Variants in FAT3 observed in about 807,000 individuals in gnomAD.
FAT3 encodes the protein FAT atypical cadherin 3, also known as protocadherin Fat 3.
FAT3 carries 95 observed loss-of-function variants against 310.2 expected under a neutral mutation model. The ratio of observed to expected loss-of-function variants is 0.31; its 90% confidence interval spans 0.26 to 0.36. The LOEUF (loss-of-function observed/expected upper bound fraction) is 0.36. Among genes scored for constraint, FAT3 ranks in the 10% least tolerant of loss-of-function variants. The pLI is 1.00. For synonymous variants in FAT3, 2,314 were observed against 2,192.9 expected, an observed-to-expected ratio of 1.06 and a Z score of -1.54; for missense variants, 5,408 against 5,715.6, an observed-to-expected ratio of 0.95 and a Z score of 1.74.
chr11:92,308,444 AGT>A (rs2134447459), intron 1 of FAT3, among the ~76,000 whole-genome samples: 2 of 152,330 alleles, frequency 1.3e-5, no homozygotes, highest in South Asian at 4.1e-4. Flanking sequence ...GAAGAAAACC[AGT>A]TGTTTGATTG....
intron 2 of FAT3, among the ~76,000 whole-genome samples, chr11:92,475,229 C>T (rs1486045704): frequency 6.6e-6 from 1 of 152,124 alleles, no homozygotes; most frequent in Non-Finnish European, 1.5e-5. Flanking sequence ...TTCTGGGATT[C>T]TCTGCATCTT....
chr11:92,885,896 G>A (rs1238916583), intron 24 of FAT3, among the ~76,000 whole-genome samples: 2 of 152,160 alleles, frequency 1.3e-5, no homozygotes, highest in African/African-American at 2.4e-5. Context: ...TACATCGGTC[G>A]TTTAGCCAAC....
Position 92,883,004 on chromosome 11 carries a change from A to G in FAT3, c.12548A>G (p.Asn4183Ser), listed in dbSNP as rs778015487. The change falls in exon 24 of 28, where the codon AAC becomes AGC. Residue 4183 changes from asparagine to serine, a missense_variant. Asn to Ser is a conservative substitution (Grantham distance 46). Around this residue, in one of 5 missense-constraint regions of FAT3, gnomAD observed 649 missense variants for 666.2 expected, o/e 0.97. Coordinates refer to ENST00000525166, the MANE Select transcript of FAT3 (RefSeq NM_001367949.2). This position sits in a 1 kb window ranked among gnomAD's most constrained non-coding sequence, Gnocchi z 4.2. ...IVFRKKVFRK[N>S]YSRNNITLVQ... ...TTCCGCAAGAAGGTCTTCCGCAAGAACTACTCCCGCAACAACATCACGCTA... is the reference window on the plus strand; with the variant it reads ...TTCCGCAAGAAGGTCTTCCGCAAGAGCTACTCCCGCAACAACATCACGCTA... The G allele has an allele frequency of 6.8e-6, 11 of 1,613,788 alleles. No homozygotes were observed. In the East Asian group the frequency reaches 2.2e-4, roughly 33 times the overall value.
chr11:92,791,481 T>C (rs771951751), intron 8 of FAT3, among the ~76,000 whole-genome samples: 12 of 152,224 alleles, frequency 7.9e-5, no homozygotes, highest in Non-Finnish European at 1.8e-4. Flanking sequence ...TCCATTCTCA[T>C]GATTCTTTAA....
At chr11:92,551,414 T>TTGTTTTTTGTGTGTGTG (rs35238743) in intron 3 of FAT3, among the ~76,000 whole-genome samples, 1 of 128,876 alleles carries the variant, frequency 7.8e-6, no homozygotes, top group African/African-American at 2.9e-5. Flanking sequence ...TTTTTTTGTT[T>TTGTTTTTTGTGTGTGTG]TGTGTGTGTG....
In FAT3 at chr11:92,809,824, C is replaced by G. The variant is rs182701865; in HGVS notation, c.9248-19C>G. 132 of 1,593,258 alleles carry G rather than the reference C, an allele frequency of 8.3e-5. 1 individual carries two copies. In the East Asian group the frequency reaches 2.6e-3, roughly 31 times the overall value. On this transcript the variant is annotated intron_variant, in intron 12 of 27. Coordinates refer to ENST00000525166, the MANE Select transcript of FAT3 (RefSeq NM_001367949.2). ...TTTTTAAAAACTCAGACCAATCATG[C>G]TGCCATTTATTTTCACAGGCGAGTT...
chr11:92,588,829 A>G (rs536043410), intron 3 of FAT3, among the ~76,000 whole-genome samples: 3 of 151,824 alleles, frequency 2.0e-5, no homozygotes, highest in Non-Finnish European at 2.9e-5. Context: ...GGGAAGGTGA[A>G]TTGCAGCCAA....
chr11:92,382,815 T>C (rs1490615801), intron 2 of FAT3, among the ~76,000 whole-genome samples: 2 of 152,232 alleles, frequency 1.3e-5, no homozygotes, highest in Non-Finnish European at 2.9e-5. Context: ...CTTCTGCCTT[T>C]TTAAAATTTT....
chr11:92,404,438 A>G (rs1445191964), intron 2 of FAT3, among the ~76,000 whole-genome samples: 1 of 151,892 alleles, frequency 6.6e-6, no homozygotes, highest in African/African-American at 2.4e-5. Flanking sequence ...TGGATAACCT[A>G]GTAGCTAATC....
chr11:92,362,420 C>T (rs184593484), intron 2 of FAT3, among the ~76,000 whole-genome samples: 160 of 152,288 alleles, frequency 1.1e-3, no homozygotes, highest in Non-Finnish European at 1.7e-3. Context: ...CTGCTCTGTG[C>T]CCAGAGGCTT....
chr11:92,319,467 A>G (rs1191008044), intron 1 of FAT3, among the ~76,000 whole-genome samples: 2 of 152,178 alleles, frequency 1.3e-5, no homozygotes, highest in East Asian at 3.9e-4. Context: ...TGTTTCTTCA[A>G]CTCATGTTTT....
chr11:92,646,106 C>T (rs561571777), intron 3 of FAT3, among the ~76,000 whole-genome samples: 2 of 152,146 alleles, frequency 1.3e-5, no homozygotes, highest in African/African-American at 4.8e-5. Context: ...TATAGGAATT[C>T]AGGCAGGAAT....
At chr11:92,442,105 A>ATTTTTTTTTTTTTTTT (rs1565320166) in intron 2 of FAT3, among the ~76,000 whole-genome samples, 2 of 20,356 alleles carry the variant, frequency 9.8e-5, no homozygotes, top group African/African-American at 3.4e-4. Context: ...ATATATATAT[A>ATTTTTTTTTTTTTTTT]TATATATTTT....
intron 4 of FAT3, among the ~76,000 whole-genome samples, chr11:92,753,798 GTA>G (rs1555140308): frequency 6.7e-5 from 8 of 119,174 alleles, no homozygotes; most frequent in African/African-American, 1.2e-4. Context: ...GTGTGTGTGT[GTA>G]TATATATATG....
intron 21 of FAT3, among the ~76,000 whole-genome samples, chr11:92,864,808 T>G (rs540663006): frequency 1.3e-5 from 2 of 152,074 alleles, no homozygotes; most frequent in African/African-American, 4.8e-5. Flanking sequence ...ACAGTGAGAC[T>G]CCATCTAAAA....
At position 92,353,921 on chromosome 11, in the gene FAT3, C is replaced by T. The variant is rs199950146; in HGVS notation, c.1809C>T (p.Ile603=). The part of the protein sequence containing the change: ...VGGHITAVSA[I]DIDELELVKY... ...GTCACATCACAGCAGTCTCAGCGAT[C>T]GATATCGATGAACTTGAACTTGTAA... is the stretch of plus-strand genomic sequence containing the variant. The change falls in exon 2 of 28, where the codon ATC becomes ATT. Residue 603 remains isoleucine, a synonymous_variant. Coordinates refer to ENST00000525166, the MANE Select transcript of FAT3 (RefSeq NM_001367949.2). The T allele has an allele frequency of 2.5e-5, 40 of 1,611,674 alleles. No homozygotes were observed. Among genetic ancestry groups the T allele is most frequent in the Non-Finnish European group, 3.1e-5 (37 of 1,178,236 alleles).
At chr11:92,732,729 T>C (rs543971043) in intron 4 of FAT3, among the ~76,000 whole-genome samples, 2 of 152,164 alleles carry the variant, frequency 1.3e-5, no homozygotes, top group Non-Finnish European at 2.9e-5. Context: ...TTAAAAGAAA[T>C]AACATGTTAA....
intron 13 of FAT3, among the ~76,000 whole-genome samples, chr11:92,811,060 C>T (rs1164937045): frequency 6.6e-6 from 1 of 152,092 alleles, no homozygotes; most frequent in African/African-American, 2.4e-5. Context: ...AAATTAGTGG[C>T]TACAATTTGA....
At chr11:92,613,294 C>G (rs1314462025) in intron 3 of FAT3, among the ~76,000 whole-genome samples, 1 of 152,138 alleles carries the variant, frequency 6.6e-6, no homozygotes, top group East Asian at 1.9e-4. Context: ...TGTAGAAATA[C>G]AAATCACTCT....
Sources: gnomAD v4.1 joint callset for allele counts (sites outside exome capture counted in the v4.1 genomes callset) on GRCh38, gnomAD v4.1.1 for gene constraint, gnomAD v4.1.1 regional missense constraint, Gnocchi (gnomAD v3.1) non-coding constraint, MANE v1.5 for transcripts, NCBI Gene and HGNC (gene_info 2026-07-23, HGNC 2026-07-21) for gene names.